Variants in MAN1C1 observed in about 807,000 individuals in gnomAD.
The protein encoded by MAN1C1 is mannosyl-oligosaccharide 1,2-alpha-mannosidase IC.
MAN1C1 carries 49 observed loss-of-function variants against 71.5 expected under a neutral mutation model. The observed-to-expected ratio is 0.69, with a 90% CI of 0.54 to 0.87. MAN1C1 has a LOEUF of 0.87. Among genes scored for constraint, MAN1C1 ranks in the 40% least tolerant of loss-of-function variants. MAN1C1 has a pLI of 0.00. For synonymous variants in MAN1C1, 352 were observed against 343.7 expected (o/e 1.02, Z -0.27); for missense variants, 743 against 835.0 (o/e 0.89, Z 1.36).
At chr1:25,680,305 C>T (rs766536076) in intron 1 of MAN1C1, among the ~76,000 whole-genome samples, 3 of 152,126 alleles carry the variant, frequency 2.0e-5, no homozygotes, top group East Asian at 1.9e-4. Flanking sequence ...TCAGATGATC[C>T]GCCCACCTGG....
chr1:25,626,672 T>C (rs1053254040), intron 1 of MAN1C1, among the ~76,000 whole-genome samples: 5 of 152,216 alleles, frequency 3.3e-5, no homozygotes, highest in African/African-American at 1.2e-4. Context: ...ATTTGCTGTT[T>C]CTGTATCTCT....
chr1:25,783,897 C>G lies in MAN1C1; in HGVS notation c.*108C>G. On this transcript the variant is annotated 3_prime_UTR_variant, in exon 12 of 12. Coordinates refer to ENST00000374332, the MANE Select transcript of MAN1C1 (RefSeq NM_020379.4). ...GAACGAAGGCCCCATCTCGGGCAGACCCCCAGCAGATGTGTCGGACAAGCA... is the reference window on the plus strand; with the variant it reads ...GAACGAAGGCCCCATCTCGGGCAGAGCCCCAGCAGATGTGTCGGACAAGCA... 7.1e-7 allele frequency: 1 copy of G among 1,398,964 alleles called. No homozygotes were observed. Among genetic ancestry groups the G allele is most frequent in the Non-Finnish European group, 9.6e-7 (1 of 1,043,008 alleles). 86.7% of individuals were successfully genotyped at this position (1,398,964 alleles called of 1,614,324 possible).
chr1:25,650,073 A>G (rs1303084435), intron 1 of MAN1C1, among the ~76,000 whole-genome samples: 2 of 152,118 alleles, frequency 1.3e-5, no homozygotes, highest in Non-Finnish European at 1.5e-5. Context: ...GCACAGACCC[A>G]GTTTCTGACA....
At chr1:25,737,405 C>G (rs7529365) in intron 2 of MAN1C1, among the ~76,000 whole-genome samples, 1 of 152,224 alleles carries the variant, frequency 6.6e-6, no homozygotes, top group Non-Finnish European at 1.5e-5. Flanking sequence ...ATTTCGCCCC[C>G]CCGACAGGGA....
chr1:25,680,447 G>C (rs948744601), intron 1 of MAN1C1, among the ~76,000 whole-genome samples: 31 of 152,112 alleles, frequency 2.0e-4, no homozygotes, highest in Non-Finnish European at 5.9e-5. Context: ...AAGACCCCAT[G>C]CCCATGAACA....
At position 25,617,409 on chromosome 1, in the gene MAN1C1, G is replaced by GCGCGGACAGCCGGGACGC. The variant is rs2045116410; in HGVS notation, c.-381_-364dup. On this transcript the variant is annotated 5_prime_UTR_variant, in exon 1 of 12. Coordinates refer to ENST00000374332, the MANE Select transcript of MAN1C1 (RefSeq NM_020379.4). This position sits in a 1 kb window ranked among gnomAD's most constrained non-coding sequence, Gnocchi z 5.1. ...GGTGCGGGCCTGCGGGCGCCCCTCGGCGCGGACAGCCGGGACGCCGCGGAC... is the reference window on the plus strand; with the variant it reads ...GGTGCGGGCCTGCGGGCGCCCCTCGGCGCGGACAGCCGGGACGCCGCGGACAGCCGGGACGCCGCGGAC... 2 of 150,652 alleles carry GCGCGGACAGCCGGGACGC rather than the reference G, an allele frequency of 1.3e-5. No individual in the cohort carries two copies. The highest frequency in any genetic ancestry group is 4.8e-5 in the African/African-American group (2 of 41,248). 9.3% of individuals were successfully genotyped at this position (150,652 alleles called of 1,614,324 possible). A position where few individuals can be genotyped will look rare whatever the true frequency, so the allele number is the denominator to read the frequency against.
intron 8 of MAN1C1, 79 bp downstream of exon 8, chr1:25,771,851 G>A (rs1307490415): frequency 1.8e-6 from 2 of 1,113,974 alleles, no homozygotes; most frequent in Non-Finnish European, 2.7e-6. Flanking sequence ...GGGTGCTGCG[G>A]GCAGCGGGGC....
chr1:25,700,765 T>C (rs1176124954), intron 2 of MAN1C1, among the ~76,000 whole-genome samples: 1 of 152,230 alleles, frequency 6.6e-6, no homozygotes, highest in Non-Finnish European at 1.5e-5. Flanking sequence ...GTGGTAGATT[T>C]TGACAGACAT....
In MAN1C1 at chr1:25,775,611, G is replaced by A. The variant is rs1572213384; in HGVS notation, c.1258-2494G>A. Among the ~76,000 whole-genome samples the A allele has an allele frequency of 6.6e-6, 1 of 152,290 alleles. No individual in the cohort carries two copies. The highest frequency in any genetic ancestry group is 2.1e-4 in the South Asian group (1 of 4,830). ...AGTAGGAATGGCACCATGTAGAAGG[G>A]TGACAGGGGCCCATAGGTAATGGCA... On this transcript the variant is annotated intron_variant, in intron 8 of 11. Transcript: ENST00000374332. This position sits in a 1 kb window ranked among gnomAD's most constrained non-coding sequence, Gnocchi z 5.1.
At chr1:25,684,443 G>T (rs773202865) in intron 1 of MAN1C1, among the ~76,000 whole-genome samples, 2 of 152,226 alleles carry the variant, frequency 1.3e-5, no homozygotes, top group Non-Finnish European at 1.5e-5. Context: ...AGCCTGGGGG[G>T]GTGTCAGCTG....
chr1:25,753,980 G>T lies in MAN1C1; in HGVS notation c.929+402G>T, dbSNP rs527300493. ...ATGGCCCCAAACACTCTCTTCCCCC[G>T]CTGGGGTTCCGGAGCCAGCAGGCAC... On this transcript the variant is annotated intron_variant, in intron 5 of 11. Transcript: ENST00000374332. This position sits in a 1 kb window ranked among gnomAD's most constrained non-coding sequence, Gnocchi z 4.9. Among the ~76,000 whole-genome samples, 1 of 152,060 alleles carries T rather than the reference G, an allele frequency of 6.6e-6. No homozygotes were observed. The highest frequency in any genetic ancestry group is 1.5e-5 in the Non-Finnish European group (1 of 67,998).
At chr1:25,632,865 ATTTTTTTT>A (rs33924292) in intron 1 of MAN1C1, among the ~76,000 whole-genome samples, 1 of 113,102 alleles carries the variant, frequency 8.8e-6, no homozygotes, top group Non-Finnish European at 1.8e-5. Flanking sequence ...TACAATTTTG[ATTTTTTTT>A]TTTTTTTTTT....
chr1:25,749,379 G>T, intron 4 of MAN1C1, 44 bp downstream of exon 4: 2 of 1,486,642 alleles, frequency 1.3e-6, no homozygotes, highest in Non-Finnish European at 1.9e-6. Flanking sequence ...AGGCTGGAAA[G>T]GGCTTTGGAG....
intron 2 of MAN1C1, among the ~76,000 whole-genome samples, chr1:25,723,678 GT>G (rs1389017882): frequency 6.6e-6 from 1 of 152,216 alleles, no homozygotes; most frequent in Non-Finnish European, 1.5e-5. Context: ...TGGCTCTTCT[GT>G]TGGGTTCCCT....
At chr1:25,708,117 A>G (rs987160135) in intron 2 of MAN1C1, among the ~76,000 whole-genome samples, 2 of 152,252 alleles carry the variant, frequency 1.3e-5, no homozygotes, top group Non-Finnish European at 2.9e-5. Context: ...GGAATAAAGA[A>G]TGGCTACTCC....
chr1:25,768,576 A>C (rs2047493075), intron 7 of MAN1C1, among the ~76,000 whole-genome samples: 2 of 52,466 alleles, frequency 3.8e-5, no homozygotes, highest in Non-Finnish European at 8.0e-5. Flanking sequence ...CTCCCCCCAC[A>C]CACAGACCCA....
At chr1:25,758,795 C>T in intron 6 of MAN1C1, 86 bp downstream of exon 6, 1 of 1,192,670 alleles carries the variant, frequency 8.4e-7, no homozygotes, top group Admixed American at 1.7e-5. Context: ...AGTGGGTCCT[C>T]CCTCATGGAT....
At chr1:25,697,698 G>A (rs2046386684) in intron 2 of MAN1C1, among the ~76,000 whole-genome samples, 1 of 152,180 alleles carries the variant, frequency 6.6e-6, no homozygotes, top group African/African-American at 2.4e-5. Flanking sequence ...ACACTTCAGT[G>A]CATGTTTTTT....
intron 2 of MAN1C1, among the ~76,000 whole-genome samples, chr1:25,728,813 A>G (rs1473051729): frequency 2.0e-5 from 3 of 152,148 alleles, no homozygotes; most frequent in African/African-American, 7.2e-5. Context: ...GCTCTGTCTA[A>G]GGAAGGGGAA....
Sources: gnomAD v4.1 joint callset for allele counts (sites outside exome capture counted in the v4.1 genomes callset) on GRCh38, gnomAD v4.1.1 for gene constraint, Gnocchi (gnomAD v3.1) non-coding constraint, MANE v1.5 for transcripts, NCBI Gene and HGNC (gene_info 2026-07-23, HGNC 2026-07-21) for gene names.